FTO: variants seen among roughly 807,000 people sequenced by gnomAD.
FTO encodes alpha-ketoglutarate-dependent dioxygenase FTO.
In FTO, 47 loss-of-function variants were observed where a neutral mutation model predicts 63.9. That is an observed-to-expected ratio of 0.74 (90% CI 0.58 to 0.94). FTO has a LOEUF of 0.94. FTO is among the 40% of genes least tolerant of loss of function. FTO has a pLI of 0.00. For missense variants in FTO, 562 were observed against 618.1 expected, an observed-to-expected ratio of 0.91 and a Z score of 0.96; for synonymous variants, 207 against 224.4, an observed-to-expected ratio of 0.92 and a Z score of 0.69.
At chr16:54,014,847 T>TCA (rs1370031596) in intron 8 of FTO, among the ~76,000 whole-genome samples, 3 of 93,458 alleles carry the variant, frequency 3.2e-5, no homozygotes, top group African/African-American at 2.4e-4. Context: ...TCTCTCTCTC[T>TCA]CTCTTTTTTT....
At chr16:54,051,330 T>G (rs1178800470) in intron 8 of FTO, among the ~76,000 whole-genome samples, 1 of 152,068 alleles carries the variant, frequency 6.6e-6, no homozygotes, top group Non-Finnish European at 1.5e-5. Flanking sequence ...TTGAGAAAAA[T>G]TAATCTGGTT....
intron 8 of FTO, among the ~76,000 whole-genome samples, chr16:54,023,153 A>G (rs1351950381): frequency 7.2e-5 from 11 of 152,232 alleles, no homozygotes; most frequent in African/African-American, 2.2e-4. Flanking sequence ...AAGGCCAAAC[A>G]GGACTAGCAA....
intron 1 of FTO, among the ~76,000 whole-genome samples, chr16:53,717,795 TTTATTGA>T: frequency 6.6e-6 from 1 of 152,126 alleles, no homozygotes; most frequent in Non-Finnish European, 1.5e-5. Context: ...GCTGCCTGCA[TTTATTGA>T]CTTATCTTTT....
At chr16:53,717,471 G>A (rs16952465) in intron 1 of FTO, among the ~76,000 whole-genome samples, 10,705 of 151,988 alleles carry the variant, frequency 0.07, 686 homozygotes, top group Admixed American at 0.16. Context: ...TTTTGCTAAC[G>A]TGTTCGTCTT....
At chr16:53,911,143 G>A in intron 7 of FTO, 2 of 501,212 alleles carry the variant, frequency 4.0e-6, no homozygotes, top group Non-Finnish European at 7.1e-6. Flanking sequence ...TGCCTATCAT[G>A]TGCCAGGCAG....
At chr16:53,880,885 C>T (rs1376225605) in intron 6 of FTO, among the ~76,000 whole-genome samples, 5 of 136,616 alleles carry the variant, frequency 3.7e-5, no homozygotes, top group Non-Finnish European at 6.0e-5. Context: ...AGGCGGATCA[C>T]GATCAAAAGA....
chr16:53,751,509 C>T (rs2076793630), intron 1 of FTO, among the ~76,000 whole-genome samples: 1 of 151,922 alleles, frequency 6.6e-6, no homozygotes, highest in Non-Finnish European at 1.5e-5. Context: ...ACACCATGGA[C>T]TAATGTTGAA....
At chr16:53,853,445 G>GC (rs1260989324) in intron 4 of FTO, among the ~76,000 whole-genome samples, 1 of 149,286 alleles carries the variant, frequency 6.7e-6, no homozygotes, top group Non-Finnish European at 1.5e-5. Flanking sequence ...TAAGTGTTTT[G>GC]TTTTTTTTTT....
intron 7 of FTO, among the ~76,000 whole-genome samples, chr16:53,906,409 C>G (rs1248061135): frequency 1.3e-5 from 2 of 151,924 alleles, no homozygotes; most frequent in Non-Finnish European, 2.9e-5. Context: ...AGCGAATGAA[C>G]AGGAAGGCTC....
At chr16:53,958,786 C>T (rs912264184) in intron 8 of FTO, among the ~76,000 whole-genome samples, 54 of 152,166 alleles carry the variant, frequency 3.5e-4, no homozygotes, top group Non-Finnish European at 2.1e-4. Flanking sequence ...AAATACTCAG[C>T]CTGACATCTA....
intron 8 of FTO, among the ~76,000 whole-genome samples, chr16:53,951,801 T>G (rs1346322313): frequency 6.6e-6 from 1 of 151,776 alleles, no homozygotes; most frequent in Non-Finnish European, 1.5e-5. Flanking sequence ...AGGACAAGAC[T>G]CAAATCAATC....
intron 4 of FTO, among the ~76,000 whole-genome samples, chr16:53,850,354 G>A (rs563261459): frequency 1.0e-3 from 157 of 151,306 alleles, no homozygotes; most frequent in African/African-American, 3.5e-3. Flanking sequence ...TTTTTTCCAG[G>A]GATGAGGATG....
chr16:53,959,898 G>A (rs909257003), intron 8 of FTO, among the ~76,000 whole-genome samples: 1 of 152,100 alleles, frequency 6.6e-6, no homozygotes, highest in Non-Finnish European at 1.5e-5. Flanking sequence ...AAGGCCCAGG[G>A]GCATGAAGGT....
At chr16:54,029,529 A>G (rs2084784400) in intron 8 of FTO, among the ~76,000 whole-genome samples, 1 of 152,076 alleles carries the variant, frequency 6.6e-6, no homozygotes, top group South Asian at 2.1e-4. Context: ...AACACAAGCC[A>G]CTTTGCAAAG....
At chr16:53,973,834 C>T (rs1022308235) in intron 8 of FTO, among the ~76,000 whole-genome samples, 7 of 152,078 alleles carry the variant, frequency 4.6e-5, no homozygotes, top group African/African-American at 1.7e-4. Context: ...ACTTGTAGAA[C>T]TTATACTAAA....
At chr16:53,711,516 G>C in intron 1 of FTO, 1 of 398,478 alleles carries the variant, frequency 2.5e-6, no homozygotes, top group Non-Finnish European at 4.4e-6. Flanking sequence ...TAGCAAAGAG[G>C]ATCTAACATG....
chr16:53,828,865 C>G lies in FTO; in HGVS notation c.751+2374C>G, dbSNP rs527642661. Among the ~76,000 whole-genome samples, 7 of 152,150 alleles carry G rather than the reference C, an allele frequency of 4.6e-5. No homozygotes were observed. In the South Asian group the frequency reaches 1.2e-3, roughly 27 times the overall value. ...GTATTTCTTATCCCAGCAGTGTAGC[C>G]GTCTCAGGGATTTTATTTTATTATT... On this transcript the variant is annotated intron_variant, in intron 3 of 8. Transcript: ENST00000471389.
intron 1 of FTO, among the ~76,000 whole-genome samples, chr16:53,739,066 A>G (rs1223715155): frequency 6.6e-6 from 1 of 152,092 alleles, no homozygotes; most frequent in Non-Finnish European, 1.5e-5. Context: ...GGCTCAAGTG[A>G]TCCTCCAGCC....
intron 8 of FTO, among the ~76,000 whole-genome samples, chr16:54,099,799 C>T (rs2086595049): frequency 6.6e-6 from 1 of 152,184 alleles, no homozygotes; most frequent in African/African-American, 2.4e-5. Flanking sequence ...TTCAGGAGAC[C>T]TATTTCATGT....
Sources: gnomAD v4.1 joint callset for allele counts (sites outside exome capture counted in the v4.1 genomes callset) on GRCh38, gnomAD v4.1.1 for gene constraint, MANE v1.5 for transcripts, NCBI Gene and HGNC (gene_info 2026-07-23, HGNC 2026-07-21) for gene names.